The following IL15 variants were observed in gnomAD, a reference collection of about 807,000 sequenced individuals.
IL15 encodes interleukin-15.
In IL15, 11 loss-of-function variants were observed where a neutral mutation model predicts 19.6. The ratio of observed to expected loss-of-function variants is 0.56; its 90% CI spans 0.35 to 0.93. The LOEUF is 0.93. Among genes scored for constraint, IL15 ranks in the 40% least tolerant of loss-of-function variants. IL15 has a pLI of 0.01. For missense variants in IL15, 197 were observed against 186.5 expected (o/e 1.06, Z -0.33); for synonymous variants, 58 against 59.6 (o/e 0.97, Z 0.12).
At chr4:141,717,319 C>T (rs1729919525) in intron 2 of IL15, 1 of 152,310 alleles carries the variant, frequency 6.6e-6, no homozygotes, top group Admixed American at 6.5e-5. Context: ...GAAGTGGGAT[C>T]TTTAACAGGT....
chr4:141,677,076 G>A (rs1200098782), intron 2 of IL15, among the ~76,000 whole-genome samples: 4 of 152,198 alleles, frequency 2.6e-5, no homozygotes, highest in Non-Finnish European at 5.9e-5. Flanking sequence ...GTGGAAGAAA[G>A]ATGCTACCAC....
At chr4:141,724,203 T>A (rs891067475) in intron 5 of IL15, among the ~76,000 whole-genome samples, 1 of 152,038 alleles carries the variant, frequency 6.6e-6, no homozygotes, top group Admixed American at 6.6e-5. Flanking sequence ...AATTAAATAC[T>A]ATACCTCTAT....
chr4:141,640,164 A>C (rs1167519423), intron 1 of IL15, among the ~76,000 whole-genome samples: 1 of 152,236 alleles, frequency 6.6e-6, no homozygotes, highest in African/African-American at 2.4e-5. Flanking sequence ...TGTTATTAAC[A>C]GTGCCATTCC....
chr4:141,717,388 A>T (rs750793255), intron 2 of IL15: 2 of 152,158 alleles, frequency 1.3e-5, no homozygotes, highest in Non-Finnish European at 2.9e-5. Flanking sequence ...GGATTAATGC[A>T]GTTATGGAGG....
intron 2 of IL15, among the ~76,000 whole-genome samples, chr4:141,695,536 CAT>C (rs1454609917): frequency 6.6e-6 from 1 of 151,986 alleles, no homozygotes; most frequent in African/African-American, 2.4e-5. Context: ...CTGCGATAAA[CAT>C]GGGATTTCAG....
Position 141,732,929 on chromosome 4 carries a change from T to G in IL15, c.*81T>G. 1 of 1,522,610 alleles carries G rather than the reference T, an allele frequency of 6.6e-7. No homozygotes were observed. The allele number at this position is 1,522,610 out of a possible 1,614,324, so 94.3% of individuals were successfully genotyped here. ...TTAGACATAACAAAACACTCGGCATTTCAAATGTGCTGTCAAAACAAGTTT... is the reference window on the plus strand; with the variant it reads ...TTAGACATAACAAAACACTCGGCATGTCAAATGTGCTGTCAAAACAAGTTT... On this transcript the variant is annotated 3_prime_UTR_variant, in exon 8 of 8. Transcript: ENST00000320650.
At chr4:141,732,644 C>T (rs1730487199) in intron 7 of IL15, 94 bp from the exon 8 acceptor site, 2 of 1,496,686 alleles carry the variant, frequency 1.3e-6, no homozygotes, top group Non-Finnish European at 1.8e-6. Context: ...AAGACCTCAC[C>T]ATATGGTTCA....
intron 2 of IL15, among the ~76,000 whole-genome samples, chr4:141,662,934 CA>C (rs532159284): frequency 1.8e-4 from 28 of 151,730 alleles, no homozygotes; most frequent in African/African-American, 3.9e-4. Context: ...AAAAATTTCA[CA>C]AAAAAACTAT....
intron 2 of IL15, among the ~76,000 whole-genome samples, chr4:141,674,607 T>TA (rs1288983774): frequency 2.0e-5 from 3 of 151,562 alleles, no homozygotes; most frequent in African/African-American, 7.3e-5. Flanking sequence ...AAAAAAGAAA[T>TA]AAAAAATCTC....
At chr4:141,660,537 G>A (rs1036438722) in intron 2 of IL15, among the ~76,000 whole-genome samples, 10 of 152,146 alleles carry the variant, frequency 6.6e-5, no homozygotes, top group Admixed American at 3.9e-4. Context: ...ACCAGGTGCC[G>A]TAATTACTAG....
At chr4:141,716,476 A>G (rs889915021) in intron 2 of IL15, 1 of 152,220 alleles carries the variant, frequency 6.6e-6, no homozygotes, top group Non-Finnish European at 1.5e-5. Flanking sequence ...AAATTCATGT[A>G]GTGTTAAGCC....
chr4:141,686,295 C>CAAAA (rs1463320285), intron 2 of IL15, among the ~76,000 whole-genome samples: 1 of 67,768 alleles, frequency 1.5e-5, no homozygotes, highest in African/African-American at 6.3e-5. Flanking sequence ...GAGTTCATCT[C>CAAAA]AAAAATAAAT....
intron 2 of IL15, among the ~76,000 whole-genome samples, chr4:141,693,497 A>G (rs1191090734): frequency 2.0e-5 from 3 of 152,224 alleles, no homozygotes; most frequent in Non-Finnish European, 4.4e-5. Context: ...AGAACTGAAT[A>G]ATTAACACTA....
At position 141,732,306 on chromosome 4, in the gene IL15, C is replaced by T. The variant is rs888254811; in HGVS notation, c.379-432C>T. Among the ~76,000 whole-genome samples the T allele has an allele frequency of 1.1e-4, 17 of 152,124 alleles. 1 individual carries two copies. The highest frequency in any genetic ancestry group is 4.1e-4 in the African/African-American group (17 of 41,428). Reference sequence around the variant, plus strand: ...AGGCAGAGAGGCATCTAATAGTATGCTGTGCATGGCAAGGAAAGCCAGATG... The same window carrying T: ...AGGCAGAGAGGCATCTAATAGTATGTTGTGCATGGCAAGGAAAGCCAGATG... On this transcript the variant is annotated intron_variant, in intron 7 of 7. Transcript: ENST00000320650.
intron 2 of IL15, among the ~76,000 whole-genome samples, chr4:141,703,173 A>G (rs1579035403): frequency 1.3e-5 from 2 of 152,292 alleles, no homozygotes; most frequent in Middle Eastern, 6.8e-3. Flanking sequence ...TGAGGCCATA[A>G]GCTTCCCTGC....
chr4:141,669,500 G>A (rs1362454939), intron 2 of IL15, among the ~76,000 whole-genome samples: 1 of 152,154 alleles, frequency 6.6e-6, no homozygotes, highest in African/African-American at 2.4e-5. Flanking sequence ...AGATTATCAG[G>A]GATCAGAGAG....
chr4:141,700,886 C>G (rs1444986813), intron 2 of IL15, among the ~76,000 whole-genome samples: 3 of 152,068 alleles, frequency 2.0e-5, no homozygotes, highest in African/African-American at 7.2e-5. Context: ...CTCTGAAATT[C>G]ATTCTTCTAT....
chr4:141,658,896 G>GGAGTC (rs1727696395), intron 2 of IL15, among the ~76,000 whole-genome samples: 1 of 144,798 alleles, frequency 6.9e-6, no homozygotes, highest in Non-Finnish European at 1.5e-5. Context: ...GTCTTGCTGT[G>GGAGTC]TTGCCCAGGC....
intron 2 of IL15, among the ~76,000 whole-genome samples, chr4:141,703,734 T>C (rs1368175708): frequency 7.3e-6 from 1 of 137,276 alleles, no homozygotes; most frequent in Non-Finnish European, 1.6e-5. Flanking sequence ...ATCTGCTATC[T>C]TGAAAAAAAA....
Sources: allele counts gnomAD v4.1 joint callset (sites outside exome capture counted in the v4.1 genomes callset), GRCh38; gene constraint gnomAD v4.1.1; transcripts MANE v1.5; gene names NCBI Gene and HGNC (gene_info 2026-07-23, HGNC 2026-07-21).